KIF6: variants seen among roughly 807,000 people sequenced by gnomAD.
The protein encoded by KIF6 is kinesin family member 6, also known as kinesin-like protein KIF6.
A neutral mutation model predicts 112.7 loss-of-function variants in KIF6; 106 were observed. The ratio of observed to expected loss-of-function variants is 0.94; its 90% CI spans 0.80 to 1.11. KIF6 has a LOEUF of 1.11. KIF6 is among the 50% of genes least tolerant of loss of function. The probability of loss-of-function intolerance (pLI) is 0.00; values close to 1 mark genes in which losing one functional copy is unlikely to be tolerated. For synonymous variants in KIF6, 339 were observed against 339.9 expected (o/e 1.00, Z 0.03); for missense variants, 929 against 964.0 (o/e 0.96, Z 0.48).
rs1312548965 is a variant in KIF6 at position 39,646,295 on chromosome 6, T to C, written c.252-6538A>G. On this transcript the variant is annotated intron_variant, in intron 3 of 22. Coordinates refer to ENST00000287152, the MANE Select transcript of KIF6 (RefSeq NM_145027.6). ...AAAACAAGACATGAATTATAGTCCCTCAAAGAGACAGCATAGTTGAAAAAA... is the reference window on the plus strand; with the variant it reads ...AAAACAAGACATGAATTATAGTCCCCCAAAGAGACAGCATAGTTGAAAAAA... Among the ~76,000 whole-genome samples, 5 of 151,894 alleles carry C rather than the reference T, an allele frequency of 3.3e-5. No homozygotes were observed. The South Asian group carries it at 1.0e-3, about 32-fold the overall frequency.
intron 16 of KIF6, among the ~76,000 whole-genome samples, chr6:39,366,516 T>G (rs1177100124): frequency 6.6e-6 from 1 of 151,898 alleles, no homozygotes; most frequent in Non-Finnish European, 1.5e-5. Flanking sequence ...AAGACAAAGC[T>G]GGGTAAAAAG....
chr6:39,346,292 A>AATC, intron 20 of KIF6, 184 bp downstream of exon 20: 1 of 695,958 alleles, frequency 1.4e-6, no homozygotes, highest in Non-Finnish European at 2.6e-6. Context: ...TGTTGAACCT[A>AATC]ATCTCCAATG....
rs1005135426 is a variant in KIF6, at chr6:39,385,677, C to A, written c.1811-5G>T. 1.6e-5 allele frequency: 25 copies of A among 1,603,556 alleles called. No individual in the cohort carries two copies. The highest frequency in any genetic ancestry group is 1.2e-4 in the African/African-American group (9 of 73,302). Reference sequence around the variant, plus strand: ...TGATTTCTTCCTTCAGGTGACCTGCCAAAGACACAAAAGAAAACTACCAGT... The same window carrying A: ...TGATTTCTTCCTTCAGGTGACCTGCAAAAGACACAAAAGAAAACTACCAGT... On this transcript the variant is annotated splice_polypyrimidine_tract_variant and splice_region_variant and intron_variant, in intron 15 of 22. Transcript: ENST00000287152.
rs1258526146 is a variant in KIF6 at position 39,336,360 on chromosome 6, C to T, written c.*172G>A. On this transcript the variant is annotated 3_prime_UTR_variant, in exon 23 of 23. Transcript: ENST00000287152. ...AGCCCCAGCCCCAGCCTCTCGGTGG[C>T]CTCCAGGTCAGCATCCTTAAAGAAA... The T allele has an allele frequency of 4.7e-6, 3 of 634,790 alleles. No individual in the cohort carries two copies. The highest frequency in any genetic ancestry group is 5.5e-5 in the Admixed American group (2 of 36,504). The allele number at this position is 634,790 out of a possible 1,614,324, so 39.3% of individuals were successfully genotyped here.
intron 5 of KIF6, among the ~76,000 whole-genome samples, chr6:39,622,282 A>G (rs1783869509): frequency 6.6e-6 from 1 of 151,934 alleles, no homozygotes; most frequent in Non-Finnish European, 1.5e-5. Context: ...AGCTCTTTAT[A>G]TATAAAATAT....
intron 13 of KIF6, among the ~76,000 whole-genome samples, chr6:39,492,208 T>C (rs896306119): frequency 6.6e-6 from 1 of 152,222 alleles, no homozygotes; most frequent in Non-Finnish European, 1.5e-5. Flanking sequence ...ATAGGGCTTC[T>C]AACGACTTTA....
At chr6:39,686,488 C>CAACCCATAA (rs1292221413) in intron 3 of KIF6, among the ~76,000 whole-genome samples, 3 of 152,088 alleles carry the variant, frequency 2.0e-5, no homozygotes, top group Non-Finnish European at 4.4e-5. Context: ...GTCTTAAATA[C>CAACCCATAA]AACCCAAGGT....
chr6:39,567,362 A>G (rs1235636825), intron 10 of KIF6, among the ~76,000 whole-genome samples: 1 of 152,208 alleles, frequency 6.6e-6, no homozygotes, highest in Non-Finnish European at 1.5e-5. Context: ...ACTACAGAAA[A>G]GGCATGACCA....
chr6:39,725,247 C>T lies in KIF6; in HGVS notation c.64G>A (p.Gly22Arg), dbSNP rs751150007. 1.9e-6 allele frequency: 3 copies of T among 1,609,454 alleles called. No homozygotes were observed. The highest frequency in any genetic ancestry group is 1.7e-5 in the Admixed American group (1 of 59,580). The change falls in exon 1 of 23, where the codon GGG becomes AGG. Residue 22 changes from glycine to arginine, a missense_variant and splice_region_variant. This residue lies in a region of KIF6 where 688 missense variants were observed against 662.7 expected (regional missense o/e 1.04). Coordinates refer to ENST00000287152, the MANE Select transcript of KIF6 (RefSeq NM_145027.6). ...VKPPVRKHQQ[G>R]IYSIDEDEKL... ...GCCCCGGAGGCTCCAGCCCGTACCCCTTGTTGGTGCTTCCGGACAGGGGGC... is the reference window on the plus strand; with the variant it reads ...GCCCCGGAGGCTCCAGCCCGTACCCTTTGTTGGTGCTTCCGGACAGGGGGC...
At chr6:39,703,436 T>C (rs901487522) in intron 3 of KIF6, among the ~76,000 whole-genome samples, 3 of 152,116 alleles carry the variant, frequency 2.0e-5, no homozygotes, top group Non-Finnish European at 4.4e-5. Flanking sequence ...GGAATAATAA[T>C]ATCTATCAAC....
chr6:39,653,699 A>C (rs2150796660), intron 3 of KIF6, among the ~76,000 whole-genome samples: 1 of 152,232 alleles, frequency 6.6e-6, no homozygotes. Flanking sequence ...TCTAAAGGAG[A>C]GGGAGAGGGC....
At chr6:39,369,218 G>A (rs150288997) in intron 16 of KIF6, among the ~76,000 whole-genome samples, 142 of 152,260 alleles carry the variant, frequency 9.3e-4, no homozygotes, top group Non-Finnish European at 1.6e-3. Context: ...CTGTCAGCTG[G>A]AGCCGTCACA....
chr6:39,551,414 T>C (rs1435237625), intron 10 of KIF6, among the ~76,000 whole-genome samples: 1 of 152,088 alleles, frequency 6.6e-6, no homozygotes, highest in South Asian at 2.1e-4. Context: ...AGGAATAAGA[T>C]CCAGTATTCA....
chr6:39,671,268 C>A (rs568165180), intron 3 of KIF6, among the ~76,000 whole-genome samples: 1 of 152,310 alleles, frequency 6.6e-6, no homozygotes, highest in South Asian at 2.1e-4. Context: ...TTTGTAGACT[C>A]AATATTTGCA....
Position 39,343,016 on chromosome 6 carries a change from A to G in KIF6, c.2428+693T>C. On this transcript the variant is annotated intron_variant, in intron 22 of 22. Transcript: ENST00000287152. The surrounding 1 kb of genome is among the most constrained non-coding windows in gnomAD (Gnocchi z 4.1). ...GCCTTTGGGTTATGGGGAGGAGGCTAAGACAAAATGCAGGCCTGGGGTAAG... is the reference window on the plus strand; with the variant it reads ...GCCTTTGGGTTATGGGGAGGAGGCTGAGACAAAATGCAGGCCTGGGGTAAG... 1 of 985,402 alleles carries G rather than the reference A, an allele frequency of 1.0e-6. No individual in the cohort carries two copies. 61.0% of individuals were successfully genotyped at this position (985,402 alleles called of 1,614,324 possible).
chr6:39,420,760 G>A (rs1285211267), intron 14 of KIF6, among the ~76,000 whole-genome samples: 2 of 152,068 alleles, frequency 1.3e-5, no homozygotes, highest in Non-Finnish European at 2.9e-5. Flanking sequence ...TTTTTATAGG[G>A]TTGGGATCAT....
chr6:39,490,708 A>G (rs1428995254), intron 13 of KIF6, among the ~76,000 whole-genome samples: 4 of 152,172 alleles, frequency 2.6e-5, no homozygotes, highest in Non-Finnish European at 5.9e-5. Flanking sequence ...TCTGTGGTTT[A>G]TAAAATATCA....
In KIF6 at chr6:39,576,820, C is replaced by T. The variant is rs149951068; in HGVS notation, c.1181+1236G>A. 5.4e-3 allele frequency among the ~76,000 whole-genome samples: 815 copies of T among 152,290 alleles called. 2 individuals are homozygous for T. The highest frequency in any genetic ancestry group is 8.3e-3 in the Non-Finnish European group (564 of 68,028). ...GTTTCTCAGCAAAACTGTCTCCTGG[C>T]AGTCAATTTCCTATATTAAATTCCT... On this transcript the variant is annotated intron_variant, in intron 10 of 22. Transcript: ENST00000287152.
At chr6:39,337,285 C>A (rs1763083494) in intron 22 of KIF6, among the ~76,000 whole-genome samples, 1 of 129,032 alleles carries the variant, frequency 7.8e-6, no homozygotes, top group African/African-American at 3.0e-5. Context: ...CCTCCCTTCC[C>A]CTCTTCCTTC....
Sources: gnomAD v4.1 joint callset for allele counts (sites outside exome capture counted in the v4.1 genomes callset) on GRCh38, gnomAD v4.1.1 for gene constraint, gnomAD v4.1.1 regional missense constraint, Gnocchi (gnomAD v3.1) non-coding constraint, MANE v1.5 for transcripts, NCBI Gene and HGNC (gene_info 2026-07-23, HGNC 2026-07-21) for gene names.